The following SPTBN1 variants were observed in gnomAD, a reference collection of about 807,000 sequenced individuals.
SPTBN1 encodes the protein spectrin beta chain, non-erythrocytic 1.
In SPTBN1, 32 loss-of-function variants were observed where a neutral mutation model predicts 266.4. The observed-to-expected ratio is 0.12, with a 90% CI of 0.09 to 0.16. The LOEUF is 0.16. Among genes scored for constraint, SPTBN1 ranks in the 10% least tolerant of loss-of-function variants. The pLI, the probability that SPTBN1 is intolerant of heterozygous loss-of-function variation, is 1.00. For synonymous variants in SPTBN1, 1,336 were observed against 1,162.2 expected, an observed-to-expected ratio of 1.15 and a Z score of -3.04; for missense variants, 2,296 against 3,067.1, an observed-to-expected ratio of 0.75 and a Z score of 5.94.
At chr2:54,601,620 C>G (rs1317041164) in intron 3 of SPTBN1, among the ~76,000 whole-genome samples, 1 of 152,176 alleles carries the variant, frequency 6.6e-6, no homozygotes, top group African/African-American at 2.4e-5. Flanking sequence ...ACCAGTGGTC[C>G]AAAACCCTGG....
intron 2 of SPTBN1, among the ~76,000 whole-genome samples, chr2:54,591,611 A>C (rs75381019): frequency 2.0e-5 from 3 of 152,148 alleles, no homozygotes; most frequent in Non-Finnish European, 4.4e-5. Flanking sequence ...TCCTGATTCT[A>C]TGTTTCCTTT....
intron 2 of SPTBN1, among the ~76,000 whole-genome samples, chr2:54,572,323 T>G (rs1674142837): frequency 6.6e-6 from 1 of 152,224 alleles, no homozygotes; most frequent in Admixed American, 6.5e-5. Flanking sequence ...ATGTTAAAAA[T>G]GTACCCTGGG....
rs545318584 is a variant in SPTBN1, at chr2:54,591,997, A to G, written c.149-7095A>G. ...AGCCTGGGCAATCTAATGAGACCCT[A>G]TTTCTACAAAAAAAAATGAAAAAGC... On this transcript the variant is annotated intron_variant, in intron 2 of 35. Transcript: ENST00000356805. 6.8e-4 allele frequency among the ~76,000 whole-genome samples: 104 copies of G among 152,080 alleles called. 1 individual carries two copies. Among genetic ancestry groups the G allele is most frequent in the African/African-American group, 2.1e-3 (85 of 41,458 alleles).
intron 2 of SPTBN1, among the ~76,000 whole-genome samples, chr2:54,538,468 G>T (rs966078572): frequency 6.6e-6 from 1 of 152,196 alleles, no homozygotes; most frequent in Non-Finnish European, 1.5e-5. Flanking sequence ...TTGGGGAATA[G>T]ACAATGTGTA....
At chr2:54,566,616 A>G (rs1200326969) in intron 2 of SPTBN1, among the ~76,000 whole-genome samples, 1 of 151,998 alleles carries the variant, frequency 6.6e-6, no homozygotes, top group Non-Finnish European at 1.5e-5. Flanking sequence ...AGATCACCTG[A>G]GGTCAGGAGT....
intron 2 of SPTBN1, among the ~76,000 whole-genome samples, chr2:54,563,665 G>A (rs1348070881): frequency 7.4e-6 from 1 of 135,062 alleles, no homozygotes; most frequent in Non-Finnish European, 1.5e-5. Flanking sequence ...GTGCAGTGGC[G>A]CGATCTCGGC....
chr2:54,667,870 G>A (rs1218802111), intron 35 of SPTBN1, among the ~76,000 whole-genome samples: 2 of 152,158 alleles, frequency 1.3e-5, no homozygotes, highest in Non-Finnish European at 2.9e-5. Context: ...AAAGTCGATG[G>A]AATCTTTGCC....
chr2:54,551,199 G>A (rs1672546524), intron 2 of SPTBN1, among the ~76,000 whole-genome samples: 1 of 152,194 alleles, frequency 6.6e-6, no homozygotes, highest in Admixed American at 6.5e-5. Context: ...TGGCCTGGAT[G>A]GCTCTGAACA....
intron 3 of SPTBN1, among the ~76,000 whole-genome samples, chr2:54,602,729 G>GTGCA (rs1558417485): frequency 6.6e-6 from 1 of 152,180 alleles, no homozygotes; most frequent in Non-Finnish European, 1.5e-5. Flanking sequence ...GTGTGTGTGC[G>GTGCA]TGCATGTGTG....
intron 3 of SPTBN1, among the ~76,000 whole-genome samples, chr2:54,611,625 C>T (rs899896173): frequency 6.6e-6 from 1 of 152,094 alleles, no homozygotes. Context: ...CCCTTCTTTT[C>T]AGTAAGTTAT....
intron 32 of SPTBN1, chr2:54,660,738 T>A: frequency 1.0e-6 from 1 of 985,464 alleles, no homozygotes; most frequent in South Asian, 4.7e-5. Context: ...AAGTCCTGAA[T>A]TGAAAACTGT....
rs149131146 is a variant in SPTBN1 at position 54,505,582 on chromosome 2, C to T, written c.-47-20790C>T. 7.4e-4 allele frequency among the ~76,000 whole-genome samples: 112 copies of T among 152,258 alleles called. 1 individual carries two copies. Among genetic ancestry groups the T allele is most frequent in the African/African-American group, 2.7e-3 (111 of 41,560 alleles). On this transcript the variant is annotated intron_variant, in intron 1 of 35. Transcript: ENST00000356805. ...GGCTCCTGAAGCTGCCTGCACATAC[C>T]TGCCAGGTGTGTCTCCTGGACTTTT...
chr2:54,508,687 G>C (rs1669705395), intron 1 of SPTBN1, among the ~76,000 whole-genome samples: 1 of 152,164 alleles, frequency 6.6e-6, no homozygotes, highest in South Asian at 2.1e-4. Context: ...GAGGGAGTAG[G>C]TGGGAGTGGC....
At chr2:54,530,583 T>G (rs1671172619) in intron 2 of SPTBN1, among the ~76,000 whole-genome samples, 1 of 152,000 alleles carries the variant, frequency 6.6e-6, no homozygotes, top group Non-Finnish European at 1.5e-5. Flanking sequence ...GGTCTCGATC[T>G]CCTGACCTCA....
chr2:54,562,380 T>A (rs1673361331), intron 2 of SPTBN1, among the ~76,000 whole-genome samples: 1 of 152,114 alleles, frequency 6.6e-6, no homozygotes, highest in Non-Finnish European at 1.5e-5. Context: ...TCCACTTACT[T>A]CTTATTCTAA....
chr2:54,538,165 AT>A (rs1192535097), intron 2 of SPTBN1, among the ~76,000 whole-genome samples: 4 of 152,254 alleles, frequency 2.6e-5, no homozygotes, highest in African/African-American at 9.6e-5. Flanking sequence ...TTCATTTAAG[AT>A]TTTTGAATAA....
chr2:54,558,477 G>A lies in SPTBN1; in HGVS notation c.148+31911G>A, dbSNP rs1427264020. On this transcript the variant is annotated intron_variant, in intron 2 of 35. Coordinates refer to ENST00000356805, the MANE Select transcript of SPTBN1 (RefSeq NM_003128.3). The surrounding 1 kb of genome is among the most constrained non-coding windows in gnomAD (Gnocchi z 4.6). Reference sequence around the variant, plus strand: ...GGCCATATTTAAAAGTTCTGAAGTAGAACCTGCGCCTCCTCTCTGCTTCTC... The same window carrying A: ...GGCCATATTTAAAAGTTCTGAAGTAAAACCTGCGCCTCCTCTCTGCTTCTC... The A allele has an allele frequency of 2.7e-6, 3 of 1,114,954 alleles. No homozygotes were observed. The East Asian group carries it at 1.7e-4, about 62-fold the overall frequency. 69.1% of individuals were successfully genotyped at this position (1,114,954 alleles called of 1,614,324 possible).
chr2:54,506,547 G>A (rs1379272463), intron 1 of SPTBN1, among the ~76,000 whole-genome samples: 1 of 151,986 alleles, frequency 6.6e-6, no homozygotes, highest in Admixed American at 6.6e-5. Flanking sequence ...AGAGGAATTG[G>A]TAGGGAAAGT....
At chr2:54,489,928 A>G (rs1252174108) in intron 1 of SPTBN1, among the ~76,000 whole-genome samples, 2 of 152,220 alleles carry the variant, frequency 1.3e-5, no homozygotes, top group Non-Finnish European at 2.9e-5. Flanking sequence ...GAGAAGACCT[A>G]TGAGCCTAAA....
Sources: gnomAD v4.1 joint callset for allele counts (sites outside exome capture counted in the v4.1 genomes callset) on GRCh38, gnomAD v4.1.1 for gene constraint, Gnocchi (gnomAD v3.1) non-coding constraint, MANE v1.5 for transcripts, NCBI Gene and HGNC (gene_info 2026-07-23, HGNC 2026-07-21) for gene names.